The following DISP1 variants were observed in gnomAD, a reference collection of about 807,000 sequenced individuals.
DISP1 encodes the protein protein dispatched homolog 1.
Under a neutral mutation model 37.3 loss-of-function variants are expected in DISP1, and 30 were observed. The ratio of observed to expected loss-of-function variants is 0.80; its 90% CI spans 0.60 to 1.09. The LOEUF is 1.09. Ranked by LOEUF, DISP1 falls within the 50% of genes least tolerant of loss-of-function variation. The pLI, the probability that DISP1 is intolerant of heterozygous loss-of-function variation, is 0.00. For synonymous variants in DISP1, 634 were observed against 690.2 expected (o/e 0.92, Z 1.28); for missense variants, 1,598 against 1,879.5 (o/e 0.85, Z 2.77).
intron 6 of DISP1, 143 bp downstream of exon 6, chr1:222,991,790 G>A (rs1332111248): frequency 2.6e-5 from 27 of 1,032,032 alleles, no homozygotes; most frequent in Non-Finnish European, 3.8e-5. Context: ...ACTTGTCATT[G>A]TGTTTGAAGA....
chr1:222,948,153 C>T (rs954810986), intron 3 of DISP1, among the ~76,000 whole-genome samples: 18 of 152,166 alleles, frequency 1.2e-4, no homozygotes, highest in African/African-American at 4.3e-4. Context: ...GAGAGGACTA[C>T]AGAGTAACAG....
chr1:222,982,982 A>G, intron 3 of DISP1, 98 bp from the exon 4 acceptor site: 2 of 892,948 alleles, frequency 2.2e-6, no homozygotes, highest in Non-Finnish European at 3.6e-6. Flanking sequence ...AGAGATAACA[A>G]GTAAAATGTT....
intron 1 of DISP1, among the ~76,000 whole-genome samples, chr1:222,858,968 A>G (rs1364592682): frequency 6.6e-6 from 1 of 152,220 alleles, no homozygotes; most frequent in African/African-American, 2.4e-5. Context: ...TGACCCAGCA[A>G]TCCCATTACT....
At chr1:222,835,064 G>T (rs1213480855) in intron 1 of DISP1, 1 of 152,116 alleles carries the variant, frequency 6.6e-6, no homozygotes, top group Non-Finnish European at 1.5e-5. Flanking sequence ...TGTTGGTCTT[G>T]TGGGTTTCAG....
chr1:222,957,145 T>TAAA lies in DISP1; in HGVS notation c.509+13834_509+13836dup, dbSNP rs35888809. ...CTCTAAACTATTTTCTTTACTATTG[T>TAAA]AAAAAAAAAAAAAAAAAAAAAAAGC... is the stretch of plus-strand genomic sequence containing the variant. On this transcript the variant is annotated intron_variant, in intron 3 of 8. Transcript: ENST00000675850. Among the ~76,000 whole-genome samples the TAAA allele has an allele frequency of 4.7e-4, 49 of 103,228 alleles. 1 individual carries two copies. Among genetic ancestry groups the TAAA allele is most frequent in the African/African-American group, 1.4e-3 (37 of 27,100 alleles). 67.7% of individuals were successfully genotyped at this position (103,228 alleles called of 152,430 possible).
chr1:223,000,463 G>A (rs756014759), intron 8 of DISP1, among the ~76,000 whole-genome samples: 26 of 152,164 alleles, frequency 1.7e-4, no homozygotes, highest in Non-Finnish European at 3.4e-4. Flanking sequence ...CCTCAAAAAT[G>A]AGCTTTAAAA....
At chr1:222,834,567 A>C (rs1386327126) in intron 1 of DISP1, among the ~76,000 whole-genome samples, 1 of 152,232 alleles carries the variant, frequency 6.6e-6, no homozygotes, top group Non-Finnish European at 1.5e-5. Flanking sequence ...TGTCACAGAC[A>C]GGTAGGGCAC....
intron 1 of DISP1, among the ~76,000 whole-genome samples, chr1:222,826,417 GT>G (rs1415813284): frequency 2.5e-5 from 3 of 118,556 alleles, no homozygotes; most frequent in Non-Finnish European, 4.8e-5. Context: ...GTCTCACTCT[GT>G]CACCTGGGCT....
At chr1:222,838,996 C>T (rs1667425375) in intron 1 of DISP1, among the ~76,000 whole-genome samples, 1 of 152,120 alleles carries the variant, frequency 6.6e-6, no homozygotes. Flanking sequence ...TTAGCTAATA[C>T]TAAAAATCTT....
At chr1:222,936,894 T>TTACA (rs1558340387) in intron 2 of DISP1, among the ~76,000 whole-genome samples, 2 of 78,730 alleles carry the variant, frequency 2.5e-5, no homozygotes, top group African/African-American at 1.0e-4. Context: ...ATATAATATA[T>TTACA]TATTTATATA....
intron 2 of DISP1, among the ~76,000 whole-genome samples, chr1:222,935,147 T>C (rs1421362706): frequency 2.0e-5 from 3 of 152,182 alleles, no homozygotes; most frequent in African/African-American, 7.2e-5. Context: ...ACCCCTGATG[T>C]ACTGTATCAA....
intron 1 of DISP1, among the ~76,000 whole-genome samples, chr1:222,849,758 A>G (rs1332313017): frequency 6.6e-6 from 1 of 152,146 alleles, no homozygotes; most frequent in Admixed American, 6.5e-5. Flanking sequence ...TAAAAACCCA[A>G]ATAAAGGTAC....
intron 1 of DISP1, among the ~76,000 whole-genome samples, chr1:222,910,389 G>A (rs1315387345): frequency 6.6e-6 from 1 of 152,084 alleles, no homozygotes; most frequent in Non-Finnish European, 1.5e-5. Context: ...GAAAAGGGAT[G>A]AGGGCAAAAT....
intron 3 of DISP1, among the ~76,000 whole-genome samples, chr1:222,980,356 G>T (rs1322556150): frequency 6.6e-6 from 1 of 152,008 alleles, no homozygotes; most frequent in East Asian, 1.9e-4. Context: ...ACAAAGTTTA[G>T]TAAAATGTTG....
chr1:222,929,491 T>TA (rs34920549), intron 2 of DISP1, among the ~76,000 whole-genome samples: 1 of 152,104 alleles, frequency 6.6e-6, no homozygotes, highest in African/African-American at 2.4e-5. Context: ...TACAATTTGT[T>TA]AAAAAAATTT....
rs139238752 is a variant in DISP1, at chr1:222,862,005, C to T, written c.-159+46927C>T. ...AGAGAGTAGTAATAAGATAATTTTG[C>T]GACCTGTTTTTCTGAAAGGCTGAGC... On this transcript the variant is annotated intron_variant, in intron 1 of 8. Transcript: ENST00000675850. Among the ~76,000 whole-genome samples, 164 of 152,200 alleles carry T rather than the reference C, an allele frequency of 1.1e-3. 2 individuals are homozygous for T. The highest frequency in any genetic ancestry group is 3.9e-4 in the Admixed American group (6 of 15,278).
chr1:222,817,544 A>C (rs1259977826), intron 1 of DISP1, among the ~76,000 whole-genome samples: 3 of 152,240 alleles, frequency 2.0e-5, no homozygotes, highest in African/African-American at 7.2e-5. Context: ...AATATTTGTT[A>C]CAATGGGGAA....
At chr1:222,819,907 T>C (rs977150662) in intron 1 of DISP1, among the ~76,000 whole-genome samples, 14 of 152,216 alleles carry the variant, frequency 9.2e-5, no homozygotes, top group African/African-American at 3.1e-4. Flanking sequence ...TAACTATATT[T>C]TTAAAGTTTA....
At chr1:222,995,339 C>T (rs1015999224) in intron 8 of DISP1, among the ~76,000 whole-genome samples, 1 of 152,074 alleles carries the variant, frequency 6.6e-6, no homozygotes, top group Non-Finnish European at 1.5e-5. Context: ...TTCCCTATTT[C>T]CTGCCCTGAG....
Sources: allele counts gnomAD v4.1 joint callset (sites outside exome capture counted in the v4.1 genomes callset), GRCh38; gene constraint gnomAD v4.1.1; transcripts MANE v1.5; gene names NCBI Gene and HGNC (gene_info 2026-07-23, HGNC 2026-07-21).